PRKN: variants seen among roughly 807,000 people sequenced by gnomAD.
PRKN encodes the protein E3 ubiquitin-protein ligase parkin.
Under a neutral mutation model 59.5 loss-of-function variants are expected in PRKN, and 56 were observed. The ratio of observed to expected loss-of-function variants is 0.94; its 90% CI spans 0.76 to 1.18. The LOEUF (loss-of-function observed/expected upper bound fraction) is 1.18. Ranked by LOEUF, PRKN falls within the 50% of genes most tolerant of loss-of-function variation. The probability of loss-of-function intolerance (pLI) is 0.00; values close to 1 mark genes in which losing one functional copy is unlikely to be tolerated. For missense variants in PRKN, 657 were observed against 596.4 expected, an observed-to-expected ratio of 1.10 and a Z score of -1.06; for synonymous variants, 250 against 222.1, an observed-to-expected ratio of 1.13 and a Z score of -1.12.
chr6:162,546,668 T>G (rs990009665), intron 1 of PRKN, among the ~76,000 whole-genome samples: 1 of 152,078 alleles, frequency 6.6e-6, no homozygotes, highest in African/African-American at 2.4e-5. Context: ...GGTCTCGAAC[T>G]CCTGACCTCA....
chr6:162,725,414 C>G (rs1192628648), intron 1 of PRKN, among the ~76,000 whole-genome samples: 1 of 152,200 alleles, frequency 6.6e-6, no homozygotes, highest in Non-Finnish European at 1.5e-5. Context: ...CTACCTTTAG[C>G]ACTGTTCACG....
intron 7 of PRKN, among the ~76,000 whole-genome samples, chr6:161,776,609 T>C (rs1225285200): frequency 6.6e-6 from 1 of 152,170 alleles, no homozygotes; most frequent in Non-Finnish European, 1.5e-5. Flanking sequence ...GTGGGAACTT[T>C]AACAAACCAT....
chr6:162,612,459 G>A (rs1398049769), intron 1 of PRKN, among the ~76,000 whole-genome samples: 3 of 151,568 alleles, frequency 2.0e-5, no homozygotes, highest in East Asian at 2.0e-4. Flanking sequence ...CAGAGACATC[G>A]CGGTATTGAA....
At chr6:162,469,335 A>G in intron 1 of PRKN, among the ~76,000 whole-genome samples, 1 of 47,500 alleles carries the variant, frequency 2.1e-5, no homozygotes, top group Non-Finnish European at 3.9e-5. Flanking sequence ...AATGTTAAGA[A>G]AGTGGGGGGG....
intron 9 of PRKN, among the ~76,000 whole-genome samples, chr6:161,520,218 CT>C (rs1778767386): frequency 7.6e-6 from 1 of 130,916 alleles, no homozygotes; most frequent in Non-Finnish European, 1.6e-5. Context: ...GCTCAAATCT[CT>C]CTATGCATTT....
At chr6:162,144,353 C>T (rs188786811) in intron 4 of PRKN, among the ~76,000 whole-genome samples, 276 of 152,106 alleles carry the variant, frequency 1.8e-3, no homozygotes, top group South Asian at 4.2e-3. Context: ...AAATGTGATA[C>T]GATAACAAAA....
At chr6:161,968,534 ATTTTAT>A (rs943212848) in intron 6 of PRKN, among the ~76,000 whole-genome samples, 4 of 152,074 alleles carry the variant, frequency 2.6e-5, no homozygotes, top group African/African-American at 9.7e-5. Context: ...GAGGCTTACA[ATTTTAT>A]TTTTATTTCT....
chr6:161,377,567 G>A lies in PRKN; in HGVS notation c.1167+9227C>T, dbSNP rs987957608. ...TGGTGAGGGGAGACCCTGTCAATAA[G>A]CAGAGCCTTGGGCAACGCAACTGCT... On this transcript the variant is annotated intron_variant, in intron 10 of 11. Coordinates refer to ENST00000366898, the MANE Select transcript of PRKN (RefSeq NM_004562.3). This position sits in a 1 kb window ranked among gnomAD's most constrained non-coding sequence, Gnocchi z 4.2. Among the ~76,000 whole-genome samples the A allele has an allele frequency of 6.6e-6, 1 of 152,228 alleles. No homozygotes were observed. Among genetic ancestry groups the A allele is most frequent in the Non-Finnish European group, 1.5e-5 (1 of 68,038 alleles).
At chr6:161,587,968 T>A (rs755991427) in intron 7 of PRKN, among the ~76,000 whole-genome samples, 1 of 152,228 alleles carries the variant, frequency 6.6e-6, no homozygotes, top group African/African-American at 2.4e-5. Context: ...TATTGCTGTC[T>A]GAACTTGGGA....
intron 8 of PRKN, among the ~76,000 whole-genome samples, chr6:161,559,287 C>A (rs976429144): frequency 6.6e-6 from 1 of 152,152 alleles, no homozygotes; most frequent in Non-Finnish European, 1.5e-5. Flanking sequence ...TGTAGCTCCC[C>A]TTTCAGGGGA....
intron 1 of PRKN, among the ~76,000 whole-genome samples, chr6:162,560,615 C>T (rs1271093181): frequency 1.3e-5 from 2 of 152,094 alleles, no homozygotes; most frequent in Admixed American, 1.3e-4. Context: ...AATGTCATAA[C>T]ACCCTTCTGG....
intron 2 of PRKN, among the ~76,000 whole-genome samples, chr6:162,304,184 T>G (rs1329499483): frequency 6.6e-6 from 1 of 150,742 alleles, no homozygotes; most frequent in Non-Finnish European, 1.5e-5. Context: ...TTTAAGTGAT[T>G]GAAGGTCGTC....
chr6:161,511,875 A>C (rs2115333740), intron 9 of PRKN, among the ~76,000 whole-genome samples: 1 of 152,270 alleles, frequency 6.6e-6, no homozygotes, highest in Non-Finnish European at 1.5e-5. Flanking sequence ...CTGGGAGAAG[A>C]ATATCTCACT....
At chr6:161,455,817 C>T (rs906225145) in intron 9 of PRKN, among the ~76,000 whole-genome samples, 3 of 148,858 alleles carry the variant, frequency 2.0e-5, no homozygotes, top group Admixed American at 6.7e-5. Context: ...GAGCTGAGAT[C>T]GCGCCACTGC....
chr6:161,715,242 T>C (rs934325171), intron 7 of PRKN, among the ~76,000 whole-genome samples: 1 of 152,218 alleles, frequency 6.6e-6, no homozygotes, highest in African/African-American at 2.4e-5. Flanking sequence ...GAACCCAATG[T>C]AGCAGATAAC....
At chr6:162,104,893 T>G (rs1780125892) in intron 4 of PRKN, among the ~76,000 whole-genome samples, 1 of 152,246 alleles carries the variant, frequency 6.6e-6, no homozygotes, top group East Asian at 1.9e-4. Flanking sequence ...GAGGGGAGAA[T>G]ATAATTTTAA....
chr6:161,520,640 T>G (rs568199120), intron 9 of PRKN, among the ~76,000 whole-genome samples: 4 of 152,314 alleles, frequency 2.6e-5, no homozygotes, highest in Admixed American at 2.6e-4. Context: ...CAGCTAAAGA[T>G]TCCCTAAAGT....
In PRKN at chr6:161,417,961, C is replaced by T. The variant is rs1455408337; in HGVS notation, c.1084-31084G>A. 3.3e-5 allele frequency among the ~76,000 whole-genome samples: 5 copies of T among 152,294 alleles called. No homozygotes were observed. The East Asian group carries it at 9.7e-4, about 29-fold the overall frequency. The stretch of plus-strand genomic sequence containing the variant: ...AATGCTGGGAGCTGCAGGCTGGCTT[C>T]CCACGCTCCCTCCTGGGCCTGGCCC... On this transcript the variant is annotated intron_variant, in intron 9 of 11. Coordinates refer to ENST00000366898, the MANE Select transcript of PRKN (RefSeq NM_004562.3). This position sits in a 1 kb window ranked among gnomAD's most constrained non-coding sequence, Gnocchi z 5.4.
At chr6:161,781,133 G>C (rs1790187533) in intron 7 of PRKN, among the ~76,000 whole-genome samples, 2 of 152,168 alleles carry the variant, frequency 1.3e-5, no homozygotes, top group African/African-American at 4.8e-5. Flanking sequence ...GCCTGTCTCA[G>C]CTTCTGGTTA....
Sources: allele counts gnomAD v4.1 joint callset (sites outside exome capture counted in the v4.1 genomes callset), GRCh38; gene constraint gnomAD v4.1.1; non-coding constraint Gnocchi (gnomAD v3.1); transcripts MANE v1.5; gene names NCBI Gene and HGNC (gene_info 2026-07-23, HGNC 2026-07-21).